Variants in PRKN observed in about 807,000 individuals in gnomAD.
The protein encoded by PRKN is E3 ubiquitin-protein ligase parkin.
A neutral mutation model predicts 59.5 loss-of-function variants in PRKN; 56 were observed. The ratio of observed to expected loss-of-function variants is 0.94; its 90% CI spans 0.76 to 1.18. The LOEUF is 1.18. Ranked by LOEUF, PRKN falls within the 50% of genes most tolerant of loss-of-function variation. The pLI, the probability that PRKN is intolerant of heterozygous loss-of-function variation, is 0.00. For synonymous variants in PRKN, 250 were observed against 222.1 expected (o/e 1.13, Z -1.12); for missense variants, 657 against 596.4 (o/e 1.10, Z -1.06).
At position 161,566,144 on chromosome 6, in the gene PRKN, A is replaced by G. The variant is rs1021868372; in HGVS notation, c.933+3211T>C. Among the ~76,000 whole-genome samples the G allele has an allele frequency of 1.3e-5, 2 of 152,148 alleles. No individual in the cohort carries two copies. The highest frequency in any genetic ancestry group is 2.9e-5 in the Non-Finnish European group (2 of 68,026). ...TGCTTTCCTCTTCAGCTAAGTTCCC[A>G]GTTGCCAAAATTAAAATGTATGTAT... On this transcript the variant is annotated intron_variant, in intron 8 of 11. Transcript: ENST00000366898. The surrounding 1 kb of genome is among the most constrained non-coding windows in gnomAD (Gnocchi z 4.1).
At chr6:161,439,703 A>ATT (rs11451451) in intron 9 of PRKN, among the ~76,000 whole-genome samples, 66 of 151,610 alleles carry the variant, frequency 4.4e-4, no homozygotes, top group Middle Eastern at 3.4e-3. Context: ...AGGAAGCTAG[A>ATT]TTTTTTTTTA....
intron 7 of PRKN, among the ~76,000 whole-genome samples, chr6:161,619,629 T>G (rs1285275017): frequency 6.6e-6 from 1 of 152,150 alleles, no homozygotes; most frequent in African/African-American, 2.4e-5. Context: ...GAGAGAGCAA[T>G]TTATCCAGTC....
At chr6:162,147,745 A>G (rs1051959137) in intron 4 of PRKN, among the ~76,000 whole-genome samples, 2 of 152,220 alleles carry the variant, frequency 1.3e-5, no homozygotes, top group Non-Finnish European at 2.9e-5. Context: ...CTTAAAAACG[A>G]TATTAGCAAT....
In PRKN at chr6:161,526,579, A is replaced by G. The variant is rs1044944061; in HGVS notation, c.1083+22275T>C. 2.7e-4 allele frequency among the ~76,000 whole-genome samples: 40 copies of G among 149,238 alleles called. No individual in the cohort carries two copies. The highest frequency in any genetic ancestry group is 7.4e-4 in the Admixed American group (11 of 14,926). On this transcript the variant is annotated intron_variant, in intron 9 of 11. Coordinates refer to ENST00000366898, the MANE Select transcript of PRKN (RefSeq NM_004562.3). This position sits in a 1 kb window ranked among gnomAD's most constrained non-coding sequence, Gnocchi z 4.1. ...GAAATATTAAAATATATATATAAAT[A>G]TAAGTAATATAAATAAATATAATGA... is the stretch of plus-strand genomic sequence containing the variant.
At chr6:161,827,884 AAGTTTTATTGACTATTT>A (rs1792316029) in intron 6 of PRKN, among the ~76,000 whole-genome samples, 1 of 152,148 alleles carries the variant, frequency 6.6e-6, no homozygotes, top group African/African-American at 2.4e-5. Context: ...TATTTCTACC[AAGTTTTATTGACTATTT>A]AGTTACCAGC....
In PRKN at chr6:162,094,355, G is replaced by A. The variant is rs116504318; in HGVS notation, c.535-40181C>T. On this transcript the variant is annotated intron_variant, in intron 4 of 11. Coordinates refer to ENST00000366898, the MANE Select transcript of PRKN (RefSeq NM_004562.3). ...AAAAGTGAGCCGGGTGTGGTGGCAC[G>A]CATCTGTGGTCTCAGCGACATGGGA... is the stretch of plus-strand genomic sequence containing the variant. 8.8e-3 allele frequency among the ~76,000 whole-genome samples: 1,340 copies of A among 152,176 alleles called. 14 individuals carry two copies. The highest frequency in any genetic ancestry group is 0.029 in the African/African-American group (1,186 of 41,502).
chr6:162,512,332 G>T (rs1777664214), intron 1 of PRKN, among the ~76,000 whole-genome samples: 1 of 152,138 alleles, frequency 6.6e-6, no homozygotes, highest in African/African-American at 2.4e-5. Flanking sequence ...CACAAAAGGG[G>T]GGAAAACATT....
intron 1 of PRKN, among the ~76,000 whole-genome samples, chr6:162,498,824 G>A (rs1793221112): frequency 1.1e-5 from 1 of 90,610 alleles, no homozygotes; most frequent in Admixed American, 1.1e-4. Flanking sequence ...TGAGGTTTAT[G>A]AGAATTGGAC....
rs111353940 is a variant in PRKN, at chr6:162,528,802, TAAAAC to T, written c.8-85334_8-85330del. 1.2e-4 allele frequency among the ~76,000 whole-genome samples: 18 copies of T among 151,484 alleles called. 1 individual carries two copies. The highest frequency in any genetic ancestry group is 3.9e-4 in the Admixed American group (6 of 15,194). On this transcript the variant is annotated intron_variant, in intron 1 of 11. Transcript: ENST00000366898. ...GACAGAGTGAGATCCTGTCTCTAAT[TAAAAC>T]AAAACAAAACAAAACAAAACAAAAA...
chr6:161,721,797 C>T (rs1787234397), intron 7 of PRKN, among the ~76,000 whole-genome samples: 1 of 152,112 alleles, frequency 6.6e-6, no homozygotes, highest in Admixed American at 6.6e-5. Context: ...AAAGTTCAAA[C>T]ACTTAAAAAT....
rs1778524280 is a variant in PRKN at position 162,653,451 on chromosome 6, AT to A, written c.7+74210del. Among the ~76,000 whole-genome samples, 8 of 152,324 alleles carry A rather than the reference AT, an allele frequency of 5.3e-5. No individual in the cohort carries two copies. In the South Asian group the frequency reaches 1.4e-3, roughly 28 times the overall value. On this transcript the variant is annotated intron_variant, in intron 1 of 11. Coordinates refer to ENST00000366898, the MANE Select transcript of PRKN (RefSeq NM_004562.3). Reference sequence around the variant, plus strand: ...CTCATAATTTAATAGGATGTTGCAAATAATCTTCTCATAGAAAATCTTAGAA... The same window carrying A: ...CTCATAATTTAATAGGATGTTGCAAAAATCTTCTCATAGAAAATCTTAGAA...
At chr6:162,184,857 A>C (rs1783956390) in intron 4 of PRKN, among the ~76,000 whole-genome samples, 1 of 152,138 alleles carries the variant, frequency 6.6e-6, no homozygotes, top group African/African-American at 2.4e-5. Context: ...ACCTTTGAGA[A>C]ACTTAAAGTA....
intron 7 of PRKN, among the ~76,000 whole-genome samples, chr6:161,693,144 A>G (rs4709545): frequency 0.12 from 18,418 of 152,170 alleles, 1,587 homozygotes; most frequent in South Asian, 0.31. Context: ...ATAATTTAAA[A>G]AGCTTATAAA....
At position 161,399,945 on chromosome 6, in the gene PRKN, C is replaced by T. The variant is rs1294649153; in HGVS notation, c.1084-13068G>A. Among the ~76,000 whole-genome samples, 1 of 152,178 alleles carries T rather than the reference C, an allele frequency of 6.6e-6. No homozygotes were observed. Among genetic ancestry groups the T allele is most frequent in the African/African-American group, 2.4e-5 (1 of 41,430 alleles). On this transcript the variant is annotated intron_variant, in intron 9 of 11. Transcript: ENST00000366898. This position sits in a 1 kb window ranked among gnomAD's most constrained non-coding sequence, Gnocchi z 4.4. Reference sequence around the variant, plus strand: ...TATATTCAAAATTGTATCATTTCAACATGCAATCGATATAAAAATTGGTAA... The same window carrying T: ...TATATTCAAAATTGTATCATTTCAATATGCAATCGATATAAAAATTGGTAA...
At chr6:162,055,605 G>C (rs2128285986) in intron 4 of PRKN, among the ~76,000 whole-genome samples, 1 of 152,230 alleles carries the variant, frequency 6.6e-6, no homozygotes, top group African/African-American at 2.4e-5. Context: ...AGGAGGGAGG[G>C]TGGCATCAAG....
intron 7 of PRKN, among the ~76,000 whole-genome samples, chr6:161,740,657 G>A (rs938853415): frequency 1.3e-5 from 2 of 152,240 alleles, no homozygotes; most frequent in African/African-American, 2.4e-5. Context: ...TGTAATGAAC[G>A]GCTGACACTT....
rs190244021 is a variant in PRKN, at chr6:162,608,980, C to T, written c.7+118682G>A. On this transcript the variant is annotated intron_variant, in intron 1 of 11. Transcript: ENST00000366898. ...GGGAGTGGATGAGCAAAGGCCTCGC[C>T]TCTCTGCCAGTGAGGCTCTCTTCCT... 6.4e-4 allele frequency among the ~76,000 whole-genome samples: 98 copies of T among 152,262 alleles called. 1 individual carries two copies. Among genetic ancestry groups the T allele is most frequent in the African/African-American group, 2.3e-3 (94 of 41,542 alleles).
chr6:162,717,727 A>G (rs977710661), intron 1 of PRKN, among the ~76,000 whole-genome samples: 4 of 152,226 alleles, frequency 2.6e-5, no homozygotes, highest in African/African-American at 9.6e-5. Context: ...CCGATAGTGT[A>G]TAATATTAAA....
At chr6:162,577,826 A>G (rs1029157798) in intron 1 of PRKN, among the ~76,000 whole-genome samples, 1 of 152,102 alleles carries the variant, frequency 6.6e-6, no homozygotes, top group Admixed American at 6.6e-5. Flanking sequence ...CTACTTGAGA[A>G]GCTCAGGTGA....
Sources: gnomAD v4.1 joint callset for allele counts (sites outside exome capture counted in the v4.1 genomes callset) on GRCh38, gnomAD v4.1.1 for gene constraint, Gnocchi (gnomAD v3.1) non-coding constraint, MANE v1.5 for transcripts, NCBI Gene and HGNC (gene_info 2026-07-23, HGNC 2026-07-21) for gene names.